ADAP1: variants seen among roughly 807,000 people sequenced by gnomAD.
ADAP1 encodes the protein ArfGAP with dual PH domains 1, also known as arf-GAP with dual PH domain-containing protein 1.
In ADAP1, 31 loss-of-function variants were observed where a neutral mutation model predicts 54.9. The ratio of observed to expected loss-of-function variants is 0.56; its 90% confidence interval spans 0.42 to 0.76. The LOEUF (loss-of-function observed/expected upper bound fraction) is 0.76. ADAP1 is among the 30% of genes least tolerant of loss of function. ADAP1 has a pLI of 0.00. For missense variants in ADAP1, 535 were observed against 512.4 expected, an observed-to-expected ratio of 1.04 and a Z score of -0.42; for synonymous variants, 313 against 202.6, an observed-to-expected ratio of 1.55 and a Z score of -4.63.
chr7:898,849 G>GCC lies in ADAP1; in HGVS notation c.*70_*71dup. ...GGCCAGGTGGCCTCAGGACGCCAGA[G>GCC]CCCCCCCATCCACGGGTCCCCTCCG... is the stretch of plus-strand genomic sequence containing the variant. On this transcript the variant is annotated 3_prime_UTR_variant, in exon 11 of 11. Transcript: ENST00000265846. 2 of 1,546,852 alleles carry GCC rather than the reference G, an allele frequency of 1.3e-6. No homozygotes were observed. Among genetic ancestry groups the GCC allele is most frequent in the Non-Finnish European group, 8.7e-7 (1 of 1,147,450 alleles).
intron 7 of ADAP1, 145 bp from the exon 8 acceptor site, chr7:900,309 C>T: frequency 9.3e-7 from 1 of 1,073,918 alleles, no homozygotes; most frequent in Non-Finnish European, 1.4e-6. Flanking sequence ...ATCCACATTT[C>T]TGCCTCTGCT....
intron 3 of ADAP1, among the ~76,000 whole-genome samples, chr7:922,162 G>C (rs948224801): frequency 6.6e-6 from 1 of 152,264 alleles, no homozygotes; most frequent in Admixed American, 6.5e-5. Flanking sequence ...GACACCCCAC[G>C]TGGTCACGAG....
At chr7:937,609 G>A (rs1228799224) in intron 1 of ADAP1, among the ~76,000 whole-genome samples, 12 of 94,120 alleles carry the variant, frequency 1.3e-4, no homozygotes, top group Admixed American at 9.3e-4. Context: ...GGTCACGCCC[G>A]GCCTCTGGGA....
At chr7:936,126 G>C (rs1846754325) in intron 1 of ADAP1, among the ~76,000 whole-genome samples, 1 of 152,306 alleles carries the variant, frequency 6.6e-6, no homozygotes, top group South Asian at 2.1e-4. Flanking sequence ...TCCACGTCTC[G>C]ATGTCTGGTT....
At chr7:907,045 GCCTCCTC>G (rs992875477) in intron 4 of ADAP1, among the ~76,000 whole-genome samples, 4 of 152,206 alleles carry the variant, frequency 2.6e-5, no homozygotes, top group East Asian at 1.9e-4. Context: ...GACCAGGCTG[GCCTCCTC>G]CCTCCTCCCT....
intron 6 of ADAP1, among the ~76,000 whole-genome samples, chr7:903,668 G>A (rs377488710): frequency 2.2e-3 from 335 of 151,120 alleles, no homozygotes; most frequent in Non-Finnish European, 3.8e-3. Flanking sequence ...CACCCTCCCC[G>A]CCGCCACACC....
chr7:932,208 G>T (rs1424508640), intron 2 of ADAP1, among the ~76,000 whole-genome samples: 2 of 152,184 alleles, frequency 1.3e-5, no homozygotes, highest in Non-Finnish European at 2.9e-5. Flanking sequence ...CATCGCACCA[G>T]ACCTCTGCGG....
chr7:927,247 G>A (rs1846422218), intron 2 of ADAP1: 3 of 1,252,696 alleles, frequency 2.4e-6, no homozygotes, highest in Non-Finnish European at 3.1e-6. Context: ...GGTGCTGCAG[G>A]AGGCTGTCGT....
At chr7:909,309 G>A (rs10951047) in intron 4 of ADAP1, among the ~76,000 whole-genome samples, 4 of 35,680 alleles carry the variant, frequency 1.1e-4, no homozygotes, top group African/African-American at 3.1e-4. Flanking sequence ...CCGACAGCAG[G>A]CGCCAGCGGG....
At chr7:911,631 G>A (rs1845728344) in intron 4 of ADAP1, among the ~76,000 whole-genome samples, 2 of 49,728 alleles carry the variant, frequency 4.0e-5, no homozygotes, top group Non-Finnish European at 8.5e-5. Context: ...GGAAGGGGGC[G>A]GGGGTCCCAC....
chr7:928,014 A>T (rs1419719669), intron 2 of ADAP1, among the ~76,000 whole-genome samples: 1 of 150,400 alleles, frequency 6.6e-6, no homozygotes, highest in African/African-American at 2.5e-5. Context: ...CCAGGAGTTC[A>T]AGACCAGCCT....
chr7:915,568 G>A (rs544140867), intron 4 of ADAP1, among the ~76,000 whole-genome samples: 106 of 152,358 alleles, frequency 7.0e-4, no homozygotes, highest in African/African-American at 1.9e-3. Context: ...CCTGCTGGGA[G>A]GCCTCTCCCT....
At chr7:933,072 G>A (rs1846633672) in intron 2 of ADAP1, among the ~76,000 whole-genome samples, 1 of 152,092 alleles carries the variant, frequency 6.6e-6, no homozygotes, top group African/African-American at 2.4e-5. Context: ...AGGAGTTCAA[G>A]ACCAGCCTTG....
chr7:935,225 G>A, intron 2 of ADAP1, 150 bp downstream of exon 2: 2 of 1,104,634 alleles, frequency 1.8e-6, no homozygotes, highest in East Asian at 2.6e-5. Context: ...TGGAGAGGGG[G>A]CGGGGTCCTC....
chr7:914,144 A>G (rs140780460), intron 4 of ADAP1, among the ~76,000 whole-genome samples: 222 of 152,326 alleles, frequency 1.5e-3, no homozygotes, highest in African/African-American at 5.2e-3. Context: ...GGCGTGGCAC[A>G]GCCTCTAGGA....
chr7:937,156 T>G, intron 1 of ADAP1, among the ~76,000 whole-genome samples: 1 of 95,586 alleles, frequency 1.0e-5, no homozygotes, highest in African/African-American at 4.1e-5. Context: ...GCCCGGCCTC[T>G]GGGATTTGGG....
At chr7:937,398 C>T (rs1313067191) in intron 1 of ADAP1, among the ~76,000 whole-genome samples, 5 of 29,634 alleles carry the variant, frequency 1.7e-4, no homozygotes, top group Non-Finnish European at 3.3e-4. Context: ...CGCCCGACCT[C>T]TGGGATTTGG....
rs564304565 is a variant in ADAP1, at chr7:898,721, G to A, written c.*200C>T. 2.4e-4 allele frequency: 160 copies of A among 672,068 alleles called. No homozygotes were observed. Among genetic ancestry groups the A allele is most frequent in the Non-Finnish European group, 3.4e-4 (135 of 392,680 alleles). The allele number at this position is 672,068 out of a possible 1,614,324, so 41.6% of individuals were successfully genotyped here. A position where few individuals can be genotyped will look rare whatever the true frequency, so the allele number is the denominator to read the frequency against. ...GCAGCATGACGGGGTTAGAGATCAG[G>A]CCCAGGGCCTGGGCTGCCTGCCTTG... is the stretch of plus-strand genomic sequence containing the variant. On this transcript the variant is annotated 3_prime_UTR_variant, in exon 11 of 11. Transcript: ENST00000265846.
At chr7:908,646 T>G (rs1845578476) in intron 4 of ADAP1, among the ~76,000 whole-genome samples, 1 of 151,922 alleles carries the variant, frequency 6.6e-6, no homozygotes, top group African/African-American at 2.4e-5. Flanking sequence ...CAGGCACAGC[T>G]GGGTGTCCCC....
Sources: allele counts gnomAD v4.1 joint callset (sites outside exome capture counted in the v4.1 genomes callset), GRCh38; gene constraint gnomAD v4.1.1; transcripts MANE v1.5; gene names NCBI Gene and HGNC (gene_info 2026-07-23, HGNC 2026-07-21).